The following NHSL1 variants were observed in gnomAD, a reference collection of about 807,000 sequenced individuals.
NHSL1 encodes the protein NHS-like protein 1.
Under a neutral mutation model 95.0 loss-of-function variants are expected in NHSL1, and 48 were observed. That is an observed-to-expected ratio of 0.51 (90% CI 0.40 to 0.64). NHSL1 has a LOEUF of 0.64. Ranked by LOEUF, NHSL1 falls within the 30% of genes least tolerant of loss-of-function variation. The pLI, the probability that NHSL1 is intolerant of heterozygous loss-of-function variation, is 0.00. For synonymous variants in NHSL1, 783 were observed against 833.9 expected, an observed-to-expected ratio of 0.94 and a Z score of 1.05; for missense variants, 1,971 against 2,077.7, an observed-to-expected ratio of 0.95 and a Z score of 1.00.
At chr6:138,648,819 G>A (rs1785052347) in intron 1 of NHSL1, among the ~76,000 whole-genome samples, 1 of 152,142 alleles carries the variant, frequency 6.6e-6, no homozygotes, top group South Asian at 2.1e-4. Flanking sequence ...GCATAGAAGA[G>A]GCAAGAATTT....
chr6:138,689,771 T>C (rs558241083), intron 1 of NHSL1, among the ~76,000 whole-genome samples: 1 of 150,404 alleles, frequency 6.6e-6, no homozygotes, highest in South Asian at 2.1e-4. Flanking sequence ...TAAACTTTGC[T>C]CCCCATTTCC....
In NHSL1 at chr6:138,530,702, C is replaced by T. The variant is rs573152975; in HGVS notation, c.16+14921G>A. Among the ~76,000 whole-genome samples the T allele has an allele frequency of 2.0e-5, 3 of 152,298 alleles. No individual in the cohort carries two copies. The South Asian group carries it at 6.2e-4, about 32-fold the overall frequency. Reference sequence around the variant, plus strand: ...GATGGAAAACCAAATATTGTATGTTCTCACTTATAAGTGGTAGCTACTAAG... The same window carrying T: ...GATGGAAAACCAAATATTGTATGTTTTCACTTATAAGTGGTAGCTACTAAG... On this transcript the variant is annotated intron_variant, in intron 1 of 4. Coordinates refer to the NHSL1 transcript ENST00000342260.
At chr6:138,429,401 C>T (rs866041119) in intron 7 of NHSL1, among the ~76,000 whole-genome samples, 6 of 152,112 alleles carry the variant, frequency 3.9e-5, no homozygotes, top group African/African-American at 7.2e-5. Context: ...CACTTTAATC[C>T]GACTCTTGCT....
chr6:138,669,738 G>C (rs1269953901), intron 1 of NHSL1, among the ~76,000 whole-genome samples: 1 of 152,186 alleles, frequency 6.6e-6, no homozygotes, highest in Non-Finnish European at 1.5e-5. Context: ...CACAGCTCCT[G>C]GAAAGCTGAC....
intron 3 of NHSL1, among the ~76,000 whole-genome samples, chr6:138,469,682 G>A (rs558419656): frequency 2.6e-5 from 4 of 152,216 alleles, no homozygotes; most frequent in Non-Finnish European, 4.4e-5. Flanking sequence ...CCGTGACTGC[G>A]CCACTGCACT....
intron 1 of NHSL1, among the ~76,000 whole-genome samples, chr6:138,675,648 C>T (rs1370976053): frequency 6.6e-6 from 1 of 152,132 alleles, no homozygotes; most frequent in African/African-American, 2.4e-5. Flanking sequence ...GATTCTCCTG[C>T]CTCAGCCCCC....
chr6:138,490,994 G>GT (rs1291266854), intron 2 of NHSL1, among the ~76,000 whole-genome samples: 1 of 152,176 alleles, frequency 6.6e-6, no homozygotes, highest in Non-Finnish European at 1.5e-5. Context: ...ATCACTTGCT[G>GT]TAAGTAGTTA....
intron 2 of NHSL1, among the ~76,000 whole-genome samples, chr6:138,487,932 A>C (rs1779820272): frequency 6.6e-6 from 1 of 152,226 alleles, no homozygotes; most frequent in African/African-American, 2.4e-5. Context: ...TTTCAACTAG[A>C]AAACGATTTA....
At chr6:138,511,977 C>A (rs9402979) in intron 1 of NHSL1, among the ~76,000 whole-genome samples, 1 of 152,052 alleles carries the variant, frequency 6.6e-6, no homozygotes, top group African/African-American at 2.4e-5. Flanking sequence ...CCAAACTTCT[C>A]GAAAATTGCA....
At chr6:138,615,558 C>G (rs556709522) in intron 1 of NHSL1, among the ~76,000 whole-genome samples, 51 of 152,352 alleles carry the variant, frequency 3.3e-4, no homozygotes, top group Admixed American at 5.9e-4. Flanking sequence ...GCAACCTCCG[C>G]CTCCCAGGTT....
chr6:138,660,155 T>G (rs913803870), intron 1 of NHSL1, among the ~76,000 whole-genome samples: 1 of 152,246 alleles, frequency 6.6e-6, no homozygotes, highest in African/African-American at 2.4e-5. Context: ...CCTAGCAGTT[T>G]TAACTACAGC....
Position 138,422,524 on chromosome 6 carries a change from AC to A in NHSL1, c.*1556del, listed in dbSNP as rs1214718925. On this transcript the variant is annotated 3_prime_UTR_variant, in exon 8 of 8. Coordinates refer to ENST00000343505, the MANE Select transcript of NHSL1 (RefSeq NM_001144060.2). ...CCAAAAGCTGGCAGGTGGTAGTCGC[AC>A]TAGATTCAGACCAAGACTCTCCGCA... 2.6e-5 allele frequency: 4 copies of A among 152,216 alleles called. No homozygotes were observed. The highest frequency in any genetic ancestry group is 4.4e-5 in the Non-Finnish European group (3 of 68,038). The allele number at this position is 152,216 out of a possible 1,614,324, so 9.4% of individuals were successfully genotyped here. A position where few individuals can be genotyped will look rare whatever the true frequency, so the allele number is the denominator to read the frequency against.
chr6:138,472,977 G>T (rs1778846925), intron 3 of NHSL1, among the ~76,000 whole-genome samples: 1 of 152,032 alleles, frequency 6.6e-6, no homozygotes, highest in Non-Finnish European at 1.5e-5. Flanking sequence ...AACCAAAAAA[G>T]AATATTTGAG....
intron 1 of NHSL1, among the ~76,000 whole-genome samples, chr6:138,506,520 T>C (rs77768704): frequency 0.066 from 10,061 of 152,250 alleles, 473 homozygotes; most frequent in African/African-American, 0.14. Context: ...TCCAGATAGA[T>C]AAAAAATAAT....
intron 1 of NHSL1, among the ~76,000 whole-genome samples, chr6:138,497,747 G>A (rs1263050512): frequency 1.3e-5 from 2 of 152,132 alleles, no homozygotes; most frequent in Admixed American, 1.3e-4. Flanking sequence ...ACTGTCTCTT[G>A]TAAACCTGGG....
chr6:138,502,508 G>C (rs528155101), upstream of NHSL1, among the ~76,000 whole-genome samples: 1 of 151,958 alleles, frequency 6.6e-6, no homozygotes, highest in Non-Finnish European at 1.5e-5. Context: ...ATAAAGATAG[G>C]GTACTATGTT....
At chr6:138,554,513 C>G (rs1450252336) in intron 1 of NHSL1, among the ~76,000 whole-genome samples, 1 of 152,156 alleles carries the variant, frequency 6.6e-6, no homozygotes, top group Admixed American at 6.5e-5. Context: ...AAAACATAAC[C>G]AGAGAGCGTA....
intron 1 of NHSL1, among the ~76,000 whole-genome samples, chr6:138,641,390 G>C (rs542638823): frequency 6.6e-6 from 1 of 152,244 alleles, no homozygotes; most frequent in South Asian, 2.1e-4. Flanking sequence ...CATGTAAGAG[G>C]AAAGAATGGC....
Position 138,505,348 on chromosome 6 carries a change from C to T in NHSL1, c.17-8977G>A, listed in dbSNP as rs116997790. Among the ~76,000 whole-genome samples the T allele has an allele frequency of 3.2e-3, 487 of 152,204 alleles. 1 individual carries two copies. The highest frequency in any genetic ancestry group is 5.1e-3 in the Non-Finnish European group (349 of 68,002). ...ATTTCGAATTAGATAAAATTTGAAT[C>T]TTTGAGCAATTGAAAATGAAACAGG... On this transcript the variant is annotated intron_variant, in intron 1 of 4. Coordinates refer to the NHSL1 transcript ENST00000342260.
Sources: gnomAD v4.1 joint callset for allele counts (sites outside exome capture counted in the v4.1 genomes callset) on GRCh38, gnomAD v4.1.1 for gene constraint, MANE v1.5 for transcripts, NCBI Gene and HGNC (gene_info 2026-07-23, HGNC 2026-07-21) for gene names.